The following SAFB variants were observed in gnomAD, a reference collection of about 807,000 sequenced individuals.
The protein encoded by SAFB is scaffold attachment factor B.
A neutral mutation model predicts 101.6 loss-of-function variants in SAFB; 15 were observed. The ratio of observed to expected loss-of-function variants is 0.15; its 90% CI spans 0.10 to 0.23. SAFB has a LOEUF of 0.23. Ranked by LOEUF, SAFB falls within the 10% of genes least tolerant of loss-of-function variation. SAFB has a pLI of 1.00. For synonymous variants in SAFB, 449 were observed against 407.5 expected (o/e 1.10, Z -1.23); for missense variants, 930 against 1,104.1 (o/e 0.84, Z 2.23).
chr19:5,648,185 A>G, intron 6 of SAFB, 142 bp downstream of exon 6: 1 of 675,844 alleles, frequency 1.5e-6, no homozygotes, highest in Non-Finnish European at 2.5e-6. Context: ...AAAACCTACC[A>G]GGATCATAGA....
At position 5,667,302 on chromosome 19, in the gene SAFB, G is replaced by T; in HGVS notation, c.2454-45G>T. ...AGCCGCCACAGTTATTAGCACAAGA[G>T]CCAGAGATGGGGGCAATCCAAATCA... On this transcript the variant is annotated intron_variant, in intron 18 of 20. Transcript: ENST00000588852. This position sits in a 1 kb window ranked among gnomAD's most constrained non-coding sequence, Gnocchi z 4.0. 1 of 1,398,076 alleles carries T rather than the reference G, an allele frequency of 7.2e-7. No individual in the cohort carries two copies. Among genetic ancestry groups the T allele is most frequent in the South Asian group, 1.5e-5 (1 of 68,950 alleles). 86.6% of individuals were successfully genotyped at this position (1,398,076 alleles called of 1,614,324 possible).
In SAFB at chr19:5,667,076, C is replaced by T. The variant is rs1378712184; in HGVS notation, c.2365C>T (p.Arg789Cys). 6.2e-6 allele frequency: 10 copies of T among 1,611,750 alleles called. No individual in the cohort carries two copies. The highest frequency in any genetic ancestry group is 8.5e-6 in the Non-Finnish European group (10 of 1,178,680). The change falls in exon 18 of 21, where the codon CGC (arginine) becomes TGC (cysteine). Residue 789 changes from arginine (R) to cysteine (C), a missense_variant. By Grantham distance (180) the Arg-to-Cys change is radical (BLOSUM62 -3). Coordinates refer to ENST00000588852, the MANE Select transcript of SAFB (RefSeq NM_001201338.2). The surrounding 1 kb of genome is among the most constrained non-coding windows in gnomAD (Gnocchi z 4.0). ...CCCAGAACGCCATGGAGGACCAGAG[C>T]GCCACGGCCGGGACTCCCGCGATGG... ...HYPERHGGPE[R>C]HGRDSRDGWG...
intron 2 of SAFB, among the ~76,000 whole-genome samples, chr19:5,630,241 T>C (rs554805046): frequency 6.6e-6 from 1 of 152,336 alleles, no homozygotes; most frequent in South Asian, 2.1e-4. Flanking sequence ...CTTCACAGAT[T>C]ATACTCTTCT....
At chr19:5,656,770 T>TTTTA (rs1433719946) in intron 13 of SAFB, among the ~76,000 whole-genome samples, 3 of 151,544 alleles carry the variant, frequency 2.0e-5, no homozygotes, top group Non-Finnish European at 2.9e-5. Flanking sequence ...ATTTATTTAT[T>TTTTA]TTTATTTATT....
intron 2 of SAFB, among the ~76,000 whole-genome samples, chr19:5,629,849 C>G (rs1262882935): frequency 2.0e-5 from 3 of 151,900 alleles, no homozygotes. Context: ...AAAGATCAGC[C>G]TGGCCAACAT....
chr19:5,626,911 G>A (rs930892665), intron 2 of SAFB, among the ~76,000 whole-genome samples: 7 of 152,098 alleles, frequency 4.6e-5, no homozygotes, highest in African/African-American at 1.7e-4. Flanking sequence ...CGGTGTGGTG[G>A]CATGCATCTG....
At chr19:5,665,683 C>T (rs2054312514) in intron 17 of SAFB, 1 of 152,174 alleles carries the variant, frequency 6.6e-6, no homozygotes, top group Non-Finnish European at 1.5e-5. Context: ...AACAGTGGAA[C>T]GCGGTTTGAT....
chr19:5,656,389 C>CCT (rs1443441919), intron 13 of SAFB, among the ~76,000 whole-genome samples: 1 of 151,938 alleles, frequency 6.6e-6, no homozygotes, highest in Non-Finnish European at 1.5e-5. Flanking sequence ...GATTCTCCTG[C>CCT]CTCACCCTCT....
intron 4 of SAFB, among the ~76,000 whole-genome samples, chr19:5,644,722 A>T (rs1338988438): frequency 1.3e-5 from 2 of 152,220 alleles, no homozygotes; most frequent in African/African-American, 2.4e-5. Context: ...TTCAGTCACA[A>T]ATTATCTGAA....
intron 11 of SAFB, 41 bp downstream of exon 11, chr19:5,653,461 T>G (rs751569577): frequency 1.3e-6 from 2 of 1,577,818 alleles, no homozygotes; most frequent in South Asian, 2.2e-5. Context: ...GCAGGGTGTT[T>G]TTTGTTGTTG....
intron 2 of SAFB, among the ~76,000 whole-genome samples, chr19:5,631,511 A>C (rs2145405555): frequency 6.6e-6 from 1 of 152,320 alleles, no homozygotes; most frequent in East Asian, 1.9e-4. Context: ...TCAAGATTTT[A>C]ACTGAAAATA....
intron 13 of SAFB, 24 bp from the exon 14 acceptor site, chr19:5,657,217 T>A: frequency 6.3e-7 from 1 of 1,598,886 alleles, no homozygotes; most frequent in East Asian, 2.2e-5. Context: ...TGCTTTAACT[T>A]TTTAATGTTC....
rs151233089 is a variant in SAFB at position 5,652,791 on chromosome 19, G to A, written c.1294-324G>A. On this transcript the variant is annotated intron_variant, in intron 9 of 20. Coordinates refer to ENST00000588852, the MANE Select transcript of SAFB (RefSeq NM_001201338.2). The stretch of plus-strand genomic sequence containing the variant: ...CATCACTTCATAATTTACCACCTAC[G>A]TAGCATGACTGTATATTTGGAATCA... Among the ~76,000 whole-genome samples the A allele has an allele frequency of 1.6e-4, 24 of 150,686 alleles. No individual in the cohort carries two copies. The East Asian group carries it at 2.1e-3, about 13-fold the overall frequency.
At chr19:5,659,695 GAA>G (rs796338709) in intron 14 of SAFB, among the ~76,000 whole-genome samples, 2 of 126,676 alleles carry the variant, frequency 1.6e-5, no homozygotes, top group South Asian at 2.6e-4. Flanking sequence ...CCTTTAAAAA[GAA>G]AAAAAAAAAA....
At position 5,664,372 on chromosome 19, in the gene SAFB, G is replaced by C. The variant is rs113663831; in HGVS notation, c.2292-25G>C. The C allele has an allele frequency of 6.9e-6, 11 of 1,604,720 alleles. No homozygotes were observed. The African/African-American group carries it at 1.3e-4, about 20-fold the overall frequency. On this transcript the variant is annotated intron_variant, in intron 16 of 20. Coordinates refer to ENST00000588852, the MANE Select transcript of SAFB (RefSeq NM_001201338.2). The stretch of plus-strand genomic sequence containing the variant: ...TGAACAAGCCTCTTCTTCCCCTTAC[G>C]GTTTGATTTAAATTGCCTTTTCAGG...
At chr19:5,659,344 A>G (rs1289813802) in intron 14 of SAFB, among the ~76,000 whole-genome samples, 1 of 151,962 alleles carries the variant, frequency 6.6e-6, no homozygotes, top group African/African-American at 2.4e-5. Flanking sequence ...AAGGAGGGGG[A>G]GAGGGCACTG....
chr19:5,641,137 T>TTAC (rs2053703209), intron 2 of SAFB, among the ~76,000 whole-genome samples: 1 of 152,214 alleles, frequency 6.6e-6, no homozygotes, highest in African/African-American at 2.4e-5. Flanking sequence ...CCCAAAGTGC[T>TTAC]GGGATTACAG....
chr19:5,665,685 C>T (rs555172314), intron 17 of SAFB: 1 of 152,212 alleles, frequency 6.6e-6, no homozygotes, highest in East Asian at 1.9e-4. Flanking sequence ...CAGTGGAACG[C>T]GGTTTGATCC....
intron 1 of SAFB, among the ~76,000 whole-genome samples, chr19:5,625,062 G>C (rs898396703): frequency 6.6e-6 from 1 of 152,120 alleles, no homozygotes; most frequent in Admixed American, 6.5e-5. Context: ...GCACAGATTT[G>C]TTCCTTCTTC....
Sources: gnomAD v4.1 joint callset for allele counts (sites outside exome capture counted in the v4.1 genomes callset) on GRCh38, gnomAD v4.1.1 for gene constraint, Gnocchi (gnomAD v3.1) non-coding constraint, MANE v1.5 for transcripts, NCBI Gene and HGNC (gene_info 2026-07-23, HGNC 2026-07-21) for gene names.